Variants in SMARCAD1 observed in about 807,000 individuals in gnomAD.
The protein encoded by SMARCAD1 is SNF2 related chromatin remodeling ATPase with DExD box 1.
SMARCAD1 carries 25 observed loss-of-function variants against 127.1 expected under a neutral mutation model. The ratio of observed to expected loss-of-function variants is 0.20; its 90% confidence interval spans 0.14 to 0.27. The LOEUF is 0.27. Ranked by LOEUF, SMARCAD1 falls within the 10% of genes least tolerant of loss-of-function variation. SMARCAD1 has a pLI of 1.00. For synonymous variants in SMARCAD1, 400 were observed against 396.9 expected, an observed-to-expected ratio of 1.01 and a Z score of -0.09; for missense variants, 807 against 1,206.0, an observed-to-expected ratio of 0.67 and a Z score of 4.90.
chr4:94,252,212 A>G (rs1055721502), intron 8 of SMARCAD1, among the ~76,000 whole-genome samples: 5 of 152,348 alleles, frequency 3.3e-5, no homozygotes, highest in African/African-American at 1.2e-4. Flanking sequence ...TTGGAAAATT[A>G]TGGATAGTTG....
intron 21 of SMARCAD1, among the ~76,000 whole-genome samples, chr4:94,282,843 A>G (rs1340502546): frequency 3.3e-5 from 5 of 152,180 alleles, no homozygotes; most frequent in Non-Finnish European, 5.9e-5. Context: ...AATTTAGCTA[A>G]GCCACAAGTT....
intron 10 of SMARCAD1, among the ~76,000 whole-genome samples, chr4:94,268,724 T>C (rs1317525057): frequency 6.6e-6 from 1 of 152,180 alleles, no homozygotes; most frequent in Non-Finnish European, 1.5e-5. Context: ...TTAACTTCTG[T>C]GAGCCGCAGT....
intron 5 of SMARCAD1, among the ~76,000 whole-genome samples, chr4:94,237,417 G>C (rs1560528392): frequency 6.6e-6 from 1 of 151,026 alleles, no homozygotes; most frequent in African/African-American, 2.4e-5. Flanking sequence ...AAAAATAAAT[G>C]CATTTGAATG....
intron 5 of SMARCAD1, among the ~76,000 whole-genome samples, chr4:94,240,104 A>T (rs573145212): frequency 1.3e-5 from 2 of 152,304 alleles, no homozygotes; most frequent in African/African-American, 4.8e-5. Flanking sequence ...TGAGCTGCAT[A>T]GTTAGGGCTC....
chr4:94,250,636 A>C (rs982272932), intron 7 of SMARCAD1, 116 bp from the exon 8 acceptor site: 1 of 642,558 alleles, frequency 1.6e-6, no homozygotes, highest in Non-Finnish European at 2.7e-6. Flanking sequence ...GTGCAAAATA[A>C]TCAGATGTGA....
Position 94,252,899 on chromosome 4 carries a change from C to G in SMARCAD1, c.1173C>G (p.His391Gln). Residue 391 changes from histidine to glutamine, a missense_variant, in exon 9 of 24, where the codon CAC becomes CAG. By Grantham distance (24) the His-to-Gln change is conservative. This residue lies in a region of SMARCAD1 where 257 missense variants were observed against 303.4 expected (regional missense o/e 0.85). Coordinates refer to ENST00000354268, the MANE Select transcript of SMARCAD1 (RefSeq NM_020159.5). ...ATGGCTATAAAGGTAAAATTCTTCA[C>G]TTCCTTCAAGATGCTTCAATTGGTG... ...MEDGYKGKIL[H>Q]FLQDASIGEL... is the part of the protein sequence containing the mutation. 2 of 1,614,130 alleles carry G rather than the reference C, an allele frequency of 1.2e-6. No individual in the cohort carries two copies. Among genetic ancestry groups the G allele is most frequent in the Non-Finnish European group, 1.7e-6 (2 of 1,180,012 alleles).
At chr4:94,239,085 G>T (rs534338028) in intron 5 of SMARCAD1, among the ~76,000 whole-genome samples, 5 of 152,228 alleles carry the variant, frequency 3.3e-5, no homozygotes, top group South Asian at 4.1e-4. Flanking sequence ...GGATTTTCTG[G>T]TTTTTTAATT....
chr4:94,259,710 T>A (rs979685143), intron 9 of SMARCAD1, among the ~76,000 whole-genome samples: 2 of 152,220 alleles, frequency 1.3e-5, no homozygotes, highest in African/African-American at 2.4e-5. Context: ...CACAGTGTTA[T>A]AATGAACCCC....
At position 94,284,946 on chromosome 4, in the gene SMARCAD1, G is replaced by T. The variant is rs1420447781; in HGVS notation, c.2910-14G>T. On this transcript the variant is annotated splice_polypyrimidine_tract_variant and intron_variant, in intron 22 of 23. Coordinates refer to ENST00000354268, the MANE Select transcript of SMARCAD1 (RefSeq NM_020159.5). Reference sequence around the variant, plus strand: ...ATTTAGTAACCAATGGACATATTTTGTATTTTTTTTTAGAGAAGTACTAGT... The same window carrying T: ...ATTTAGTAACCAATGGACATATTTTTTATTTTTTTTTAGAGAAGTACTAGT... 1.4e-6 allele frequency: 2 copies of T among 1,457,564 alleles called. No homozygotes were observed. The highest frequency in any genetic ancestry group is 3.4e-5 in the Admixed American group (2 of 59,592). 90.3% of individuals were successfully genotyped at this position (1,457,564 alleles called of 1,614,324 possible).
At chr4:94,262,295 G>C (rs2125944678) in intron 9 of SMARCAD1, among the ~76,000 whole-genome samples, 1 of 152,256 alleles carries the variant, frequency 6.6e-6, no homozygotes, top group Non-Finnish European at 1.5e-5. Flanking sequence ...TCAATAGATG[G>C]TACCACTAAT....
chr4:94,282,110 T>TTG (rs1553921688), intron 21 of SMARCAD1, among the ~76,000 whole-genome samples: 17 of 100,302 alleles, frequency 1.7e-4, no homozygotes, highest in African/African-American at 5.8e-4. Context: ...GTTTTTTTTT[T>TTG]TTTTTTTGAG....
intron 3 of SMARCAD1, among the ~76,000 whole-genome samples, chr4:94,228,409 GTCAT>G (rs1488518441): frequency 2.6e-5 from 4 of 151,990 alleles, no homozygotes; most frequent in Non-Finnish European, 5.9e-5. Flanking sequence ...TAAAAACAAG[GTCAT>G]TCATTCATTT....
intron 23 of SMARCAD1, among the ~76,000 whole-genome samples, chr4:94,288,151 C>G (rs9307138): frequency 0.14 from 21,936 of 151,978 alleles, 1,809 homozygotes; most frequent in Non-Finnish European, 0.19. Context: ...TTCAATATCA[C>G]AGCATATTCC....
chr4:94,278,579 C>G, intron 17 of SMARCAD1, 37 bp from the exon 18 acceptor site: 1 of 1,611,276 alleles, frequency 6.2e-7, no homozygotes. Context: ...TTTCTCTTTA[C>G]TAGAATGATT....
chr4:94,266,013 G>C (rs1751693205), intron 10 of SMARCAD1, among the ~76,000 whole-genome samples: 2 of 152,014 alleles, frequency 1.3e-5, no homozygotes, highest in Non-Finnish European at 2.9e-5. Context: ...AAAACAAGAT[G>C]ATTACTGGCC....
chr4:94,280,921 G>A, intron 20 of SMARCAD1, 141 bp downstream of exon 20: 4 of 820,742 alleles, frequency 4.9e-6, no homozygotes, highest in Non-Finnish European at 7.7e-6. Context: ...ACATTTTCTT[G>A]ACGTATTTTC....
chr4:94,238,026 C>CT (rs1746968773), intron 5 of SMARCAD1, among the ~76,000 whole-genome samples: 1 of 152,030 alleles, frequency 6.6e-6, no homozygotes, highest in Admixed American at 6.6e-5. Flanking sequence ...ATTCTTACTA[C>CT]TATTAATTTT....
chr4:94,249,643 C>A lies in SMARCAD1; in HGVS notation c.706-11C>A. On this transcript the variant is annotated splice_polypyrimidine_tract_variant and intron_variant, in intron 6 of 23. Transcript: ENST00000354268. ...TCTTAAATTGTTTTCTTTTTTTTTT[C>A]TCCCCATTAGGGAGAGGAATCAAAT... is the stretch of plus-strand genomic sequence containing the variant. The A allele has an allele frequency of 2.2e-6, 3 of 1,334,458 alleles. No individual in the cohort carries two copies. The highest frequency in any genetic ancestry group is 3.2e-6 in the Non-Finnish European group (3 of 935,582). 82.7% of individuals were successfully genotyped at this position (1,334,458 alleles called of 1,614,324 possible).
chr4:94,253,805 T>G (rs1749654066), intron 9 of SMARCAD1: 1 of 659,078 alleles, frequency 1.5e-6, no homozygotes, highest in South Asian at 6.7e-5. Flanking sequence ...ATATAAGAAC[T>G]CTTAAATTTT....
Sources: allele counts gnomAD v4.1 joint callset (sites outside exome capture counted in the v4.1 genomes callset), GRCh38; gene constraint gnomAD v4.1.1; regional missense constraint gnomAD v4.1.1; transcripts MANE v1.5; gene names NCBI Gene and HGNC (gene_info 2026-07-23, HGNC 2026-07-21).